Variants in XKR4 observed in about 807,000 individuals in gnomAD.
The protein encoded by XKR4 is XK-related protein 4.
In XKR4, 12 loss-of-function variants were observed where a neutral mutation model predicts 53.9. That is an observed-to-expected ratio of 0.22 (90% CI 0.14 to 0.36). The LOEUF is 0.36. Ranked by LOEUF, XKR4 falls within the 10% of genes least tolerant of loss-of-function variation. The probability of loss-of-function intolerance (pLI) is 1.00; values close to 1 mark genes in which losing one functional copy is unlikely to be tolerated. For synonymous variants in XKR4, 354 were observed against 362.4 expected (o/e 0.98, Z 0.26); for missense variants, 799 against 859.5 (o/e 0.93, Z 0.88).
intron 2 of XKR4, among the ~76,000 whole-genome samples, chr8:55,410,511 C>T (rs918221914): frequency 3.9e-5 from 6 of 152,214 alleles, no homozygotes; most frequent in Non-Finnish European, 7.3e-5. Context: ...TTCCACTGGA[C>T]AGACGCTCCA....
At chr8:55,348,487 C>T (rs1282076693) in intron 1 of XKR4, among the ~76,000 whole-genome samples, 3 of 152,194 alleles carry the variant, frequency 2.0e-5, no homozygotes, top group Non-Finnish European at 4.4e-5. Context: ...GACAAGACTG[C>T]TTGGCTTTTC....
At chr8:55,189,885 A>T (rs1166595645) in intron 1 of XKR4, among the ~76,000 whole-genome samples, 1 of 152,054 alleles carries the variant, frequency 6.6e-6, no homozygotes, top group Non-Finnish European at 1.5e-5. Flanking sequence ...TAGCCTAAAA[A>T]CTCACACGAC....
intron 1 of XKR4, among the ~76,000 whole-genome samples, chr8:55,273,712 C>T (rs1033918436): frequency 4.6e-5 from 7 of 152,318 alleles, no homozygotes; most frequent in Admixed American, 4.6e-4. Context: ...GACCAATCAG[C>T]ACTCCTGGCT....
intron 2 of XKR4, among the ~76,000 whole-genome samples, chr8:55,360,861 T>C (rs1241297205): frequency 6.6e-6 from 1 of 152,242 alleles, no homozygotes; most frequent in Non-Finnish European, 1.5e-5. Flanking sequence ...CTTCCTTATG[T>C]AGTCACTCAG....
At chr8:55,202,474 A>G (rs1322472580) in intron 1 of XKR4, among the ~76,000 whole-genome samples, 1 of 152,258 alleles carries the variant, frequency 6.6e-6, no homozygotes, top group Non-Finnish European at 1.5e-5. Context: ...TTCCAGGCCA[A>G]CAATTAACAT....
At chr8:55,132,762 G>A (rs1816576305) in intron 1 of XKR4, among the ~76,000 whole-genome samples, 1 of 152,216 alleles carries the variant, frequency 6.6e-6, no homozygotes. Context: ...AAGCCTGGGT[G>A]TAAAGGAGGA....
chr8:55,285,156 CT>C (rs1459282726), intron 1 of XKR4, among the ~76,000 whole-genome samples: 2 of 152,210 alleles, frequency 1.3e-5, no homozygotes, highest in African/African-American at 4.8e-5. Flanking sequence ...TTAAACAAAT[CT>C]ACTTTTTCTC....
intron 1 of XKR4, chr8:55,161,532 C>T (rs770489668): frequency 4.6e-5 from 21 of 456,018 alleles, no homozygotes; most frequent in Middle Eastern, 3.4e-4. Context: ...GGATGAGCAG[C>T]GCTCAAAACC....
intron 2 of XKR4, among the ~76,000 whole-genome samples, chr8:55,415,129 A>G (rs934299789): frequency 1.3e-5 from 2 of 152,264 alleles, no homozygotes; most frequent in Non-Finnish European, 2.9e-5. Context: ...CAGAGGAAAG[A>G]AAAGAAATCT....
At position 55,357,724 on chromosome 8, in the gene XKR4, G is replaced by A. The variant is rs1224452579; in HGVS notation, c.853G>A (p.Glu285Lys). 1.2e-6 allele frequency: 2 copies of A among 1,614,218 alleles called. No homozygotes were observed. The highest frequency in any genetic ancestry group is 1.7e-6 in the Non-Finnish European group (2 of 1,180,040). The change falls in exon 2 of 3, where the codon GAG (glutamate) becomes AAG (lysine). Residue 285 changes from glutamate to lysine, a missense_variant. By Grantham distance (56) the Glu-to-Lys change is moderately conservative. Transcript: ENST00000327381. ...YLGIRSRQSG[E>K]NDRWRFYWKM... ...AGGTATTCGAAGCCGACAGAGTGGG[G>A]AGAATGACAGATGGAGGTTTTACTG...
chr8:55,127,994 G>A (rs1816497286), intron 1 of XKR4, among the ~76,000 whole-genome samples: 1 of 152,042 alleles, frequency 6.6e-6, no homozygotes, highest in Admixed American at 6.6e-5. Context: ...TGGACATTTG[G>A]GTTGGTTCCA....
At chr8:55,279,416 T>C (rs2129373600) in intron 1 of XKR4, among the ~76,000 whole-genome samples, 1 of 152,344 alleles carries the variant, frequency 6.6e-6, no homozygotes, top group South Asian at 2.1e-4. Context: ...ACTCTCGGCT[T>C]GGCAGAGGGC....
chr8:55,360,873 C>T (rs968842028), intron 2 of XKR4, among the ~76,000 whole-genome samples: 1 of 152,230 alleles, frequency 6.6e-6, no homozygotes, highest in South Asian at 2.1e-4. Flanking sequence ...GTCACTCAGT[C>T]AGAGGAGCCT....
At chr8:55,234,639 G>C (rs1308536792) in intron 1 of XKR4, among the ~76,000 whole-genome samples, 1 of 152,200 alleles carries the variant, frequency 6.6e-6, no homozygotes, top group Non-Finnish European at 1.5e-5. Context: ...TGGCAATGTT[G>C]AGTGATTTTA....
chr8:55,503,906 C>T (rs1806483648), intron 2 of XKR4, among the ~76,000 whole-genome samples: 1 of 151,756 alleles, frequency 6.6e-6, no homozygotes, highest in Admixed American at 6.6e-5. Context: ...TTTTTTTAAT[C>T]TTGAAATAGT....
At chr8:55,451,419 G>A in intron 2 of XKR4, 1 of 1,116,512 alleles carries the variant, frequency 9.0e-7, no homozygotes. Context: ...CACTGGAGTA[G>A]CGGGGCATGG....
intron 2 of XKR4, among the ~76,000 whole-genome samples, chr8:55,440,476 G>A (rs572830371): frequency 6.6e-6 from 1 of 152,146 alleles, no homozygotes; most frequent in African/African-American, 2.4e-5. Flanking sequence ...GAGTTATGAT[G>A]TGGGAATTAT....
Position 55,527,384 on chromosome 8 carries a change from T to G in XKR4, c.*3157T>G, listed in dbSNP as rs1176703296. ...ACTTTGATTCCATTTAAGAGGGAGA[T>G]CTGCTCTTACTCACTTTTTGCATAG... On this transcript the variant is annotated 3_prime_UTR_variant, in exon 3 of 3. Coordinates refer to ENST00000327381, the MANE Select transcript of XKR4 (RefSeq NM_052898.2). 1 of 152,218 alleles carries G rather than the reference T, an allele frequency of 6.6e-6. No individual in the cohort carries two copies. The highest frequency in any genetic ancestry group is 1.5e-5 in the Non-Finnish European group (1 of 68,030). 9.4% of individuals were successfully genotyped at this position (152,218 alleles called of 1,614,324 possible).
intron 2 of XKR4, among the ~76,000 whole-genome samples, chr8:55,496,333 A>C (rs1439546793): frequency 6.6e-6 from 1 of 152,182 alleles, no homozygotes; most frequent in Non-Finnish European, 1.5e-5. Context: ...TAATGCAAAT[A>C]TCTCTTTAAA....
Sources: gnomAD v4.1 joint callset for allele counts (sites outside exome capture counted in the v4.1 genomes callset) on GRCh38, gnomAD v4.1.1 for gene constraint, MANE v1.5 for transcripts, NCBI Gene and HGNC (gene_info 2026-07-23, HGNC 2026-07-21) for gene names.